LAMA4: variants seen among roughly 807,000 people sequenced by gnomAD.
LAMA4 encodes the protein laminin subunit alpha-4.
Under a neutral mutation model 207.1 loss-of-function variants are expected in LAMA4, and 127 were observed. The observed-to-expected ratio is 0.61, with a 90% confidence interval of 0.53 to 0.71. The LOEUF is 0.71. Among genes scored for constraint, LAMA4 ranks in the 30% least tolerant of loss-of-function variants. LAMA4 has a pLI of 0.00. For synonymous variants in LAMA4, 761 were observed against 816.0 expected, an observed-to-expected ratio of 0.93 and a Z score of 1.15; for missense variants, 2,093 against 2,246.5, an observed-to-expected ratio of 0.93 and a Z score of 1.38.
chr6:112,193,598 T>C (rs1783243761), intron 5 of LAMA4, among the ~76,000 whole-genome samples: 1 of 152,130 alleles, frequency 6.6e-6, no homozygotes. Flanking sequence ...TAGGATATGG[T>C]CAGTCTTTAA....
At chr6:112,201,175 T>C (rs1554352309) in intron 5 of LAMA4, among the ~76,000 whole-genome samples, 1 of 152,184 alleles carries the variant, frequency 6.6e-6, no homozygotes, top group East Asian at 1.9e-4. Context: ...AACAGCTTTG[T>C]GGGTTGTTTT....
In LAMA4 at chr6:112,116,351, C is replaced by G. The variant is rs587611801; in HGVS notation, c.4982-358G>C. ...AGAGGAAGTAGACTCAACACAGGTA[C>G]AGAGGCTGGAATGCTTGGAGAGCAC... On this transcript the variant is annotated intron_variant, in intron 35 of 38. Coordinates refer to ENST00000230538, the MANE Select transcript of LAMA4 (RefSeq NM_001105206.3). 3.9e-5 allele frequency among the ~76,000 whole-genome samples: 6 copies of G among 152,244 alleles called. No individual in the cohort carries two copies. In the East Asian group the frequency reaches 9.7e-4, roughly 25 times the overall value.
intron 1 of LAMA4, 48 bp downstream of exon 1, chr6:112,254,411 T>G: frequency 5.8e-6 from 3 of 517,916 alleles, no homozygotes; most frequent in Non-Finnish European, 6.9e-6. Context: ...CTTTTTCTCC[T>G]TCCCGCAGAG....
chr6:112,165,110 G>A (rs1781306197), intron 13 of LAMA4, 50 bp downstream of exon 13: 2 of 1,008,334 alleles, frequency 2.0e-6, no homozygotes, highest in South Asian at 1.3e-5. Context: ...CTGAGCTGCT[G>A]TTGTAACCTG....
intron 2 of LAMA4, chr6:112,251,358 A>G (rs1038644587): frequency 2.0e-5 from 3 of 152,242 alleles, no homozygotes; most frequent in Non-Finnish European, 2.9e-5. Context: ...AGAGTCCACA[A>G]GCTGGGCTAT....
intron 38 of LAMA4, among the ~76,000 whole-genome samples, chr6:112,113,219 T>A (rs781971096): frequency 6.6e-6 from 1 of 152,222 alleles, no homozygotes; most frequent in Non-Finnish European, 1.5e-5. Context: ...AGGTGGTGGA[T>A]ATTGCAATTA....
chr6:112,184,129 T>C (rs148159206), intron 9 of LAMA4, among the ~76,000 whole-genome samples: 20 of 152,242 alleles, frequency 1.3e-4, no homozygotes, highest in African/African-American at 4.8e-4. Flanking sequence ...ATATGTGCCA[T>C]TGCCGGGAAC....
intron 24 of LAMA4, 90 bp downstream of exon 24, chr6:112,139,030 C>T: frequency 8.0e-7 from 1 of 1,251,344 alleles, no homozygotes; most frequent in African/African-American, 1.5e-5. Context: ...GATGGCATGA[C>T]ACACTAGACC....
At position 112,163,128 on chromosome 6, in the gene LAMA4, C is replaced by T. The variant is rs1024828993; in HGVS notation, c.1668+2032G>A. ...CTGGGACTGTAGGCATGCACCACCACGCCTAGCTATTTAAAAAAAAATTTT... is the reference window on the plus strand; with the variant it reads ...CTGGGACTGTAGGCATGCACCACCATGCCTAGCTATTTAAAAAAAAATTTT... On this transcript the variant is annotated intron_variant, in intron 13 of 38. Transcript: ENST00000230538. Among the ~76,000 whole-genome samples, 6 of 150,054 alleles carry T rather than the reference C, an allele frequency of 4.0e-5. No homozygotes were observed. In the East Asian group the frequency reaches 5.9e-4, roughly 15 times the overall value.
In LAMA4 at chr6:112,189,214, A is replaced by G; in HGVS notation, c.719-9T>C. On this transcript the variant is annotated splice_polypyrimidine_tract_variant and intron_variant, in intron 6 of 38. Coordinates refer to ENST00000230538, the MANE Select transcript of LAMA4 (RefSeq NM_001105206.3). ...TCCCCCGCAGTTGCACACTGTGGGA[A>G]ACAAAAACAAGAGACGAGAAATGCA... 1 of 1,604,388 alleles carries G rather than the reference A, an allele frequency of 6.2e-7. No individual in the cohort carries two copies. The highest frequency in any genetic ancestry group is 1.7e-5 in the Admixed American group (1 of 60,000).
Position 112,141,347 on chromosome 6 carries a change from A to G in LAMA4, c.2813+11T>C, listed in dbSNP as rs1475341170. On this transcript the variant is annotated intron_variant, in intron 21 of 38. Transcript: ENST00000230538. ...TGTGCATATATGCCCTGTGTCATGG[A>G]TTCACTGTACCTTTCAATCTTGACA... 6.2e-7 allele frequency: 1 copy of G among 1,613,750 alleles called. No homozygotes were observed. Among genetic ancestry groups the G allele is most frequent in the South Asian group, 1.1e-5 (1 of 91,084 alleles).
rs1554187579 is a variant in LAMA4 at position 112,241,140 on chromosome 6, T to TATATATATTTATATATATGA, written c.195+12815_195+12816insTCATATATATAAATATATAT. Among the ~76,000 whole-genome samples, 44 of 68,414 alleles carry TATATATATTTATATATATGA rather than the reference T, an allele frequency of 6.4e-4. 2 individuals are homozygous for TATATATATTTATATATATGA. The highest frequency in any genetic ancestry group is 1.1e-3 in the Non-Finnish European group (33 of 29,906). 44.9% of individuals were successfully genotyped at this position (68,414 alleles called of 152,430 possible). A position where few individuals can be genotyped will look rare whatever the true frequency, so the allele number is the denominator to read the frequency against. ...GAATATATATATGAATATATAGGAA[T>TATATATATTTATATATATGA]ATATATATGAATATATATATGAATA... On this transcript the variant is annotated intron_variant, in intron 2 of 38. Coordinates refer to ENST00000230538, the MANE Select transcript of LAMA4 (RefSeq NM_001105206.3).
Position 112,150,202 on chromosome 6 carries a change from GAC to G in LAMA4, c.2173+307_2173+308del, listed in dbSNP as rs68144829. Among the ~76,000 whole-genome samples the G allele has an allele frequency of 0.019, 2,674 of 143,242 alleles. 32 individuals carry two copies. Among genetic ancestry groups the G allele is most frequent in the South Asian group, 0.036 (158 of 4,416 alleles). The allele number at this position is 143,242 out of a possible 152,430, so 94.0% of individuals were successfully genotyped here. ...TATAAACAGCATGATCCCATTAAAAGACACACACACACACACACACACACACA... is the reference window on the plus strand; with the variant it reads ...TATAAACAGCATGATCCCATTAAAAGACACACACACACACACACACACACA... On this transcript the variant is annotated intron_variant, in intron 17 of 38. Coordinates refer to ENST00000230538, the MANE Select transcript of LAMA4 (RefSeq NM_001105206.3).
intron 7 of LAMA4, among the ~76,000 whole-genome samples, chr6:112,188,482 C>T (rs1414899843): frequency 1.3e-5 from 2 of 152,150 alleles, no homozygotes; most frequent in Admixed American, 6.5e-5. Flanking sequence ...AGGTTAATCT[C>T]GTCTGCTCCG....
At chr6:112,128,367 G>C (rs894191266) in intron 31 of LAMA4, among the ~76,000 whole-genome samples, 4 of 152,114 alleles carry the variant, frequency 2.6e-5, no homozygotes, top group African/African-American at 9.7e-5. Flanking sequence ...TATCATAAGT[G>C]GGAGCTAAAA....
intron 22 of LAMA4, among the ~76,000 whole-genome samples, chr6:112,140,178 T>C (rs1214915042): frequency 6.6e-6 from 1 of 152,184 alleles, no homozygotes; most frequent in East Asian, 1.9e-4. Context: ...TAGGTAGGTA[T>C]TCTTGTTCTC....
In LAMA4 at chr6:112,201,033, GA is replaced by G. The variant is rs66967051; in HGVS notation, c.503+574del. The stretch of plus-strand genomic sequence containing the variant: ...GTATCCCAGAACTTAAAATATAATT[GA>G]AAAAAAAAAAGGAAAAAAAGAAAAG... On this transcript the variant is annotated intron_variant, in intron 5 of 38. Transcript: ENST00000230538. Among the ~76,000 whole-genome samples the G allele has an allele frequency of 7.6e-4, 101 of 133,060 alleles. 1 individual carries two copies. The highest frequency in any genetic ancestry group is 3.8e-3 in the Middle Eastern group (1 of 260). The allele number at this position is 133,060 out of a possible 152,430, so 87.3% of individuals were successfully genotyped here. A position where few individuals can be genotyped will look rare whatever the true frequency, so the allele number is the denominator to read the frequency against.
intron 2 of LAMA4, among the ~76,000 whole-genome samples, chr6:112,226,846 T>C (rs1373095583): frequency 6.6e-6 from 1 of 152,118 alleles, no homozygotes; most frequent in East Asian, 1.9e-4. Context: ...AAAAAGTCAG[T>C]TGCAAAGGAG....
intron 13 of LAMA4, chr6:112,159,113 C>G: frequency 2.0e-6 from 1 of 507,430 alleles, no homozygotes; most frequent in Non-Finnish European, 3.5e-6. Context: ...AAATGCTCTA[C>G]CATTTCAGAC....
Sources: allele counts gnomAD v4.1 joint callset (sites outside exome capture counted in the v4.1 genomes callset), GRCh38; gene constraint gnomAD v4.1.1; transcripts MANE v1.5; gene names NCBI Gene and HGNC (gene_info 2026-07-23, HGNC 2026-07-21).